Variants in PUDP observed in about 807,000 individuals in gnomAD.
The protein encoded by PUDP is pseudouridine 5'-phosphatase.
In PUDP, 8 loss-of-function variants were observed where a neutral mutation model predicts 9.4. The observed-to-expected ratio is 0.85, with a 90% confidence interval of 0.50 to 1.53. The LOEUF is 1.53. Ranked by LOEUF, PUDP falls within the 40% of genes most tolerant of loss-of-function variation. The probability of loss-of-function intolerance (pLI) is 0.00; values close to 1 mark genes in which losing one functional copy is unlikely to be tolerated. For missense variants in PUDP, 188 were observed against 189.7 expected (o/e 0.99, Z 0.05); for synonymous variants, 99 against 80.7 (o/e 1.23, Z -1.22).
At chrX:6,868,544 CAG>C (rs1376538659) in intron 3 of PUDP, among the ~76,000 whole-genome samples, 1 of 112,222 alleles carries the variant, frequency 8.9e-6, no homozygotes, top group Non-Finnish European at 1.9e-5. Flanking sequence ...AAACTCTACA[CAG>C]GGGAAAAGAT....
chrX:6,994,166 G>A (rs1044702035), intron 1 of PUDP, among the ~76,000 whole-genome samples: 1 of 111,897 alleles, frequency 8.9e-6, no homozygotes, highest in Non-Finnish European at 1.9e-5. Context: ...TAAACTCAGC[G>A]CTTTGGGAGG....
At chrX:6,929,662 C>T (rs950980299) in intron 3 of PUDP, among the ~76,000 whole-genome samples, 24 of 112,064 alleles carry the variant, frequency 2.1e-4, no homozygotes, top group Admixed American at 2.1e-3. Context: ...CTGTCAGGGC[C>T]GGAACTAGTT....
intron 1 of PUDP, among the ~76,000 whole-genome samples, chrX:7,115,796 C>T (rs1246512231): frequency 8.9e-6 from 1 of 112,704 alleles, no homozygotes; most frequent in African/African-American, 3.2e-5. Flanking sequence ...TCACTTCACT[C>T]CCAGAGTCAC....
chrX:6,731,635 T>G (rs1202776596), intron 3 of PUDP, among the ~76,000 whole-genome samples: 1 of 110,587 alleles, frequency 9.0e-6, no homozygotes, highest in Non-Finnish European at 1.9e-5. Context: ...CTCAACCAAA[T>G]GTACAAACAG....
chrX:6,824,329 G>T (rs1014649143), intron 3 of PUDP, among the ~76,000 whole-genome samples: 2 of 111,749 alleles, frequency 1.8e-5, no homozygotes, highest in African/African-American at 6.5e-5. Context: ...GCTTAACTGT[G>T]AGTCAATGAA....
chrX:7,141,456 GGGACTGA>G (rs2146937161), intron 1 of PUDP, among the ~76,000 whole-genome samples: 1 of 112,932 alleles, frequency 8.9e-6, no homozygotes, highest in African/African-American at 3.2e-5. Context: ...CACTTCTATG[GGGACTGA>G]GGCATGTGAG....
intron 1 of PUDP, among the ~76,000 whole-genome samples, chrX:7,110,624 T>A (rs1454787527): frequency 1.8e-5 from 2 of 111,889 alleles, no homozygotes; most frequent in South Asian, 3.8e-4. Flanking sequence ...GCAATAAAGC[T>A]TTTTAATCAC....
chrX:7,054,409 CA>C (rs386416556), intron 3 of PUDP, among the ~76,000 whole-genome samples: 37 of 83,882 alleles, frequency 4.4e-4, no homozygotes, highest in Admixed American at 3.9e-4. Context: ...GACTCCGTCT[CA>C]AAAAAAAAAA....
chrX:6,999,828 T>G (rs1251936207), intron 1 of PUDP, among the ~76,000 whole-genome samples: 4 of 108,119 alleles, frequency 3.7e-5, no homozygotes, highest in Non-Finnish European at 7.7e-5. Flanking sequence ...AAAAAAACCC[T>G]CAACGGTCAA....
chrX:6,816,686 T>A (rs1307906408), intron 3 of PUDP, among the ~76,000 whole-genome samples: 6 of 99,511 alleles, frequency 6.0e-5, no homozygotes, highest in African/African-American at 2.2e-4. Flanking sequence ...ATATACCATA[T>A]AGCATATAAA....
intron 3 of PUDP, among the ~76,000 whole-genome samples, chrX:6,941,341 CTTTTTTT>C (rs761887998): frequency 2.5e-5 from 2 of 78,647 alleles, no homozygotes; most frequent in Admixed American, 1.6e-4. Flanking sequence ...TCTTTTCTGT[CTTTTTTT>C]TTTTTTTTTT....
chrX:7,080,471 C>A (rs989977197), intron 2 of PUDP, among the ~76,000 whole-genome samples: 1 of 111,776 alleles, frequency 8.9e-6, no homozygotes, highest in African/African-American at 3.3e-5. Context: ...TTTACATCAG[C>A]ACTTCCCTGA....
chrX:6,843,667 C>T (rs1235600372), intron 3 of PUDP, among the ~76,000 whole-genome samples: 3 of 111,703 alleles, frequency 2.7e-5, no homozygotes, highest in Non-Finnish European at 3.8e-5. Context: ...GCCACTCTGA[C>T]GTGGAAATCT....
chrX:6,948,658 A>C (rs1463783897), intron 3 of PUDP, among the ~76,000 whole-genome samples: 1 of 111,902 alleles, frequency 8.9e-6, no homozygotes, highest in Non-Finnish European at 1.9e-5. Flanking sequence ...GCTAAAGAAA[A>C]CAAGAATATT....
At chrX:7,083,229 G>A (rs1931158684) in intron 2 of PUDP, among the ~76,000 whole-genome samples, 1 of 112,104 alleles carries the variant, frequency 8.9e-6, no homozygotes, top group Non-Finnish European at 1.9e-5. Flanking sequence ...TGAACACACA[G>A]GTGCTCTGTT....
intron 1 of PUDP, among the ~76,000 whole-genome samples, chrX:7,132,306 TC>T (rs1228989610): frequency 8.9e-6 from 1 of 112,050 alleles, no homozygotes; most frequent in Non-Finnish European, 1.9e-5. Flanking sequence ...TAAAGCTCTC[TC>T]CTCAAATTCT....
chrX:7,107,997 T>C (rs1469909050), intron 1 of PUDP, among the ~76,000 whole-genome samples: 1 of 112,252 alleles, frequency 8.9e-6, no homozygotes, highest in African/African-American at 3.2e-5. Context: ...CTGTGCTTTG[T>C]CTCCTGCATC....
chrX:6,730,378 A>G (rs1924794691), intron 3 of PUDP, among the ~76,000 whole-genome samples: 1 of 112,324 alleles, frequency 8.9e-6, no homozygotes, highest in African/African-American at 3.2e-5. Context: ...TCAAGGGAGG[A>G]GTGGAGCATG....
chrX:7,083,313 A>G (rs1409273347), intron 2 of PUDP, among the ~76,000 whole-genome samples: 1 of 112,168 alleles, frequency 8.9e-6, no homozygotes, highest in African/African-American at 3.2e-5. Flanking sequence ...GAAGACAGGA[A>G]TCTGCCAGAA....
Sources: gnomAD v4.1 joint callset for allele counts (sites outside exome capture counted in the v4.1 genomes callset) on GRCh38, gnomAD v4.1.1 for gene constraint, MANE v1.5 for transcripts, NCBI Gene and HGNC (gene_info 2026-07-23, HGNC 2026-07-21) for gene names.